The following MBOAT1 variants were observed in gnomAD, a reference collection of about 807,000 sequenced individuals.
MBOAT1 encodes the protein membrane-bound glycerophospholipid O-acyltransferase 1.
A neutral mutation model predicts 64.4 loss-of-function variants in MBOAT1; 67 were observed. The ratio of observed to expected loss-of-function variants is 1.04; its 90% CI spans 0.85 to 1.27. The LOEUF (loss-of-function observed/expected upper bound fraction) is 1.27, where lower values mean the gene tolerates loss of function less well. Among genes scored for constraint, MBOAT1 ranks in the 50% most tolerant of loss-of-function variants. The pLI is 0.00. For missense variants in MBOAT1, 563 were observed against 604.6 expected (o/e 0.93, Z 0.72); for synonymous variants, 229 against 218.9 (o/e 1.05, Z -0.41).
At position 20,111,595 on chromosome 6, in the gene MBOAT1, T is replaced by A. The variant is rs142203541; in HGVS notation, c.1209+1281A>T. On this transcript the variant is annotated intron_variant, in intron 11 of 12. Coordinates refer to ENST00000324607, the MANE Select transcript of MBOAT1 (RefSeq NM_001080480.3). Reference sequence around the variant, plus strand: ...ATAGAGTAAAAGACACCTGAGGGAATAATACTCTGGATATGTTAGCAAACA... The same window carrying A: ...ATAGAGTAAAAGACACCTGAGGGAAAAATACTCTGGATATGTTAGCAAACA... Among the ~76,000 whole-genome samples, 239 of 152,124 alleles carry A rather than the reference T, an allele frequency of 1.6e-3. 1 individual carries two copies. The highest frequency in any genetic ancestry group is 5.2e-3 in the African/African-American group (217 of 41,504).
At chr6:20,175,273 T>TG (rs368040825) in intron 1 of MBOAT1, among the ~76,000 whole-genome samples, 31 of 152,270 alleles carry the variant, frequency 2.0e-4, no homozygotes, top group African/African-American at 7.0e-4. Context: ...TTCTTAGAGA[T>TG]GGGGTCTCAC....
At chr6:20,150,757 T>A (rs1186353352) in intron 3 of MBOAT1, among the ~76,000 whole-genome samples, 1 of 150,960 alleles carries the variant, frequency 6.6e-6, no homozygotes, top group Non-Finnish European at 1.5e-5. Context: ...TTTTTTTGTA[T>A]TTTTAGTAGA....
At chr6:20,159,035 A>C (rs986484870) in intron 1 of MBOAT1, among the ~76,000 whole-genome samples, 5 of 152,158 alleles carry the variant, frequency 3.3e-5, no homozygotes, top group African/African-American at 4.8e-5. Flanking sequence ...CTACAACTAG[A>C]ATTTGCCACA....
Position 20,112,877 on chromosome 6 carries a change from G to A in MBOAT1, c.1208C>T (p.Ala403Val), listed in dbSNP as rs201340830. 5.1e-5 allele frequency: 83 copies of A among 1,612,872 alleles called. 1 individual carries two copies. The highest frequency in any genetic ancestry group is 1.6e-4 in the Middle Eastern group (1 of 6,082). Residue 403 changes from alanine to valine, a missense_variant and splice_region_variant, in exon 11 of 13, where the codon GCG becomes GTG. Physicochemically the swap from Ala to Val is moderately conservative, Grantham distance 64 (BLOSUM62 0). Coordinates refer to ENST00000324607, the MANE Select transcript of MBOAT1 (RefSeq NM_001080480.3). The part of the protein sequence containing the change: ...TGILVTLAAR[A>V]VRNNYRHYFL... ...ACCCTAGGCCTAAAGCACACTTACC[G>A]CTCTAGCTGCTAATGTGACAAGAAT...
chr6:20,172,634 GT>G (rs111718817), intron 1 of MBOAT1, among the ~76,000 whole-genome samples: 8 of 150,834 alleles, frequency 5.3e-5, no homozygotes, highest in Non-Finnish European at 1.0e-4. Flanking sequence ...TGTGCTTAAG[GT>G]TTTTTTTTCC....
intron 1 of MBOAT1, among the ~76,000 whole-genome samples, chr6:20,161,338 T>C (rs372482648): frequency 7.2e-5 from 11 of 152,156 alleles, no homozygotes; most frequent in African/African-American, 2.6e-4. Context: ...TGGTGAGTTG[T>C]ATAATTATTT....
intron 1 of MBOAT1, among the ~76,000 whole-genome samples, chr6:20,161,770 C>A (rs1220174989): frequency 6.6e-6 from 1 of 152,176 alleles, no homozygotes; most frequent in African/African-American, 2.4e-5. Context: ...TCCCCTGCTT[C>A]ACTTTAACTC....
intron 1 of MBOAT1, among the ~76,000 whole-genome samples, chr6:20,185,025 G>A (rs11964827): frequency 0.018 from 2,714 of 152,086 alleles, 84 homozygotes; most frequent in African/African-American, 0.061. Flanking sequence ...TGAGGTGAGA[G>A]GATCGCTTGA....
At chr6:20,193,789 T>C (rs532045041) in intron 1 of MBOAT1, among the ~76,000 whole-genome samples, 5 of 151,918 alleles carry the variant, frequency 3.3e-5, no homozygotes, top group South Asian at 2.1e-4. Context: ...GTATTTTTAG[T>C]AAAGATGGGG....
intron 1 of MBOAT1, among the ~76,000 whole-genome samples, chr6:20,193,913 G>T (rs932220203): frequency 6.6e-6 from 1 of 151,998 alleles, no homozygotes; most frequent in African/African-American, 2.4e-5. Context: ...CCAATCCTTT[G>T]TATCTTTACT....
At position 20,105,613 on chromosome 6, in the gene MBOAT1, A is replaced by T. The variant is rs183037324; in HGVS notation, c.1362-3201T>A. 2.0e-5 allele frequency among the ~76,000 whole-genome samples: 3 copies of T among 152,266 alleles called. No individual in the cohort carries two copies. In the East Asian group the frequency reaches 5.8e-4, roughly 29 times the overall value. On this transcript the variant is annotated intron_variant, in intron 12 of 12. Transcript: ENST00000324607. ...AACCCCATCTCTACAAAAATAAAAA[A>T]ATTAGGCGGGTGCGGTCGCACGTGC...
chr6:20,164,747 G>T (rs1456922883), intron 1 of MBOAT1, among the ~76,000 whole-genome samples: 1 of 152,166 alleles, frequency 6.6e-6, no homozygotes, highest in Non-Finnish European at 1.5e-5. Context: ...CTTAGCGAGT[G>T]TATGTTAGAG....
At chr6:20,111,857 T>TACATATATATAC (rs1561746335) in intron 11 of MBOAT1, among the ~76,000 whole-genome samples, 2 of 113,908 alleles carry the variant, frequency 1.8e-5, no homozygotes. Flanking sequence ...CATATATATA[T>TACATATATATAC]ACATATATAT....
intron 1 of MBOAT1, among the ~76,000 whole-genome samples, chr6:20,210,601 C>T (rs547842516): frequency 2.6e-4 from 39 of 150,028 alleles, no homozygotes; most frequent in African/African-American, 9.1e-4. Flanking sequence ...CTCCCTCCCT[C>T]CCTCCCAGTT....
At chr6:20,199,576 AAAG>A (rs1187748872) in intron 1 of MBOAT1, among the ~76,000 whole-genome samples, 3 of 152,246 alleles carry the variant, frequency 2.0e-5, no homozygotes, top group Non-Finnish European at 4.4e-5. Flanking sequence ...CATGAATAAG[AAAG>A]AAGAAAATCC....
intron 1 of MBOAT1, among the ~76,000 whole-genome samples, chr6:20,154,749 T>C (rs1001336006): frequency 1.3e-5 from 2 of 152,020 alleles, no homozygotes; most frequent in African/African-American, 4.8e-5. Flanking sequence ...ACACAAAATG[T>C]ATATAGAAAA....
intron 1 of MBOAT1, among the ~76,000 whole-genome samples, chr6:20,189,470 A>G (rs1762743913): frequency 6.6e-6 from 1 of 152,102 alleles, no homozygotes; most frequent in African/African-American, 2.4e-5. Context: ...GTGCGATCAT[A>G]GCACACTACA....
rs551228439 is a variant in MBOAT1 at position 20,201,101 on chromosome 6, C to T, written c.99+11035G>A. Among the ~76,000 whole-genome samples, 125 of 152,304 alleles carry T rather than the reference C, an allele frequency of 8.2e-4. 1 individual carries two copies. Among genetic ancestry groups the T allele is most frequent in the Non-Finnish European group, 1.4e-3 (93 of 68,030 alleles). On this transcript the variant is annotated intron_variant, in intron 1 of 12. Coordinates refer to ENST00000324607, the MANE Select transcript of MBOAT1 (RefSeq NM_001080480.3). Reference sequence around the variant, plus strand: ...CCCAGGAGTGTCCCATATGTAAGTCCTAATAAATTCACCTACTCGCCAAGT... The same window carrying T: ...CCCAGGAGTGTCCCATATGTAAGTCTTAATAAATTCACCTACTCGCCAAGT...
chr6:20,132,100 C>A (rs897619467), intron 4 of MBOAT1, among the ~76,000 whole-genome samples: 1 of 151,886 alleles, frequency 6.6e-6, no homozygotes, highest in African/African-American at 2.4e-5. Context: ...CCCAGCTGGT[C>A]TCGAACATGA....
Sources: allele counts gnomAD v4.1 joint callset (sites outside exome capture counted in the v4.1 genomes callset), GRCh38; gene constraint gnomAD v4.1.1; transcripts MANE v1.5; gene names NCBI Gene and HGNC (gene_info 2026-07-23, HGNC 2026-07-21).